The following VWA5B1 variants were observed in gnomAD, a reference collection of about 807,000 sequenced individuals.
VWA5B1 encodes the protein von Willebrand factor A domain containing 5B1.
A neutral mutation model predicts 118.2 loss-of-function variants in VWA5B1; 115 were observed. The observed-to-expected ratio is 0.97, with a 90% CI of 0.84 to 1.14. VWA5B1 has a LOEUF of 1.14. VWA5B1 is among the 50% of genes most tolerant of loss of function. The pLI, the probability that VWA5B1 is intolerant of heterozygous loss-of-function variation, is 0.00. For missense variants in VWA5B1, 1,596 were observed against 1,603.8 expected, an observed-to-expected ratio of 1.00 and a Z score of 0.08; for synonymous variants, 682 against 658.4, an observed-to-expected ratio of 1.04 and a Z score of -0.55.
chr1:20,328,964 C>A (rs2089465876), intron 9 of VWA5B1, among the ~76,000 whole-genome samples: 1 of 152,236 alleles, frequency 6.6e-6, no homozygotes, highest in Admixed American at 6.5e-5. Flanking sequence ...GCCTTCCATA[C>A]TGTTCTGTAA....
chr1:20,335,270 G>A (rs939941988), intron 12 of VWA5B1, among the ~76,000 whole-genome samples: 1 of 152,216 alleles, frequency 6.6e-6, no homozygotes, highest in Non-Finnish European at 1.5e-5. Context: ...AACTGATGAT[G>A]CCACTGCACT....
At chr1:20,301,104 T>A (rs568809658) in intron 1 of VWA5B1, among the ~76,000 whole-genome samples, 2 of 152,324 alleles carry the variant, frequency 1.3e-5, no homozygotes, top group African/African-American at 4.8e-5. Flanking sequence ...GGGAAGGCAA[T>A]GAATGTATTC....
rs1369112755 is a variant in VWA5B1 at position 20,323,437 on chromosome 1, T to A, written c.1048T>A (p.Ser350Thr). The change falls in exon 8 of 22, where the codon TCA (serine) becomes ACA (threonine). Residue 350 changes from serine to threonine, a missense_variant. Transcript: ENST00000289815. ...GCTCAACTTCTGTCCCGACCTCCAG[T>A]CAGTCCAGCCGTGCCTGAGAAAGGC... ...IMLNFCPDLQ[S>T]VQPCLRKAHG... 4 of 1,538,532 alleles carry A rather than the reference T, an allele frequency of 2.6e-6. No homozygotes were observed. In the Admixed American group the frequency reaches 8.2e-5, roughly 31 times the overall value.
chr1:20,297,104 T>C (rs1386495548), intron 1 of VWA5B1, among the ~76,000 whole-genome samples: 1 of 152,232 alleles, frequency 6.6e-6, no homozygotes, highest in East Asian at 1.9e-4. Context: ...TCCTAGAGCT[T>C]ATATTCTAGT....
chr1:20,326,127 C>T (rs973996913), intron 8 of VWA5B1, among the ~76,000 whole-genome samples: 1 of 152,188 alleles, frequency 6.6e-6, no homozygotes, highest in Non-Finnish European at 1.5e-5. Context: ...AATAAGCAGA[C>T]ATTGACTTCT....
At chr1:20,310,845 C>T in intron 2 of VWA5B1, 105 bp downstream of exon 2, 1 of 1,378,450 alleles carries the variant, frequency 7.3e-7, no homozygotes, top group South Asian at 1.6e-5. Flanking sequence ...CATGCCACCC[C>T]TCCGAGTCTG....
At chr1:20,305,172 G>A (rs1307470963) in intron 1 of VWA5B1, among the ~76,000 whole-genome samples, 1 of 152,076 alleles carries the variant, frequency 6.6e-6, no homozygotes, top group Admixed American at 6.5e-5. Flanking sequence ...AACAAAGAAA[G>A]GAAGCTGGAA....
intron 2 of VWA5B1, 38 bp downstream of exon 2, chr1:20,310,778 C>T (rs759959212): frequency 2.0e-6 from 3 of 1,496,316 alleles, no homozygotes; most frequent in Non-Finnish European, 2.7e-6. Flanking sequence ...GGACCACCCC[C>T]TCCTCCACAG....
intron 1 of VWA5B1, among the ~76,000 whole-genome samples, chr1:20,309,960 G>A (rs1181185433): frequency 2.9e-5 from 4 of 136,224 alleles, no homozygotes; most frequent in Non-Finnish European, 4.9e-5. Context: ...TGTGTGTTGC[G>A]GGCGTGGGGG....
chr1:20,304,362 A>ACCTG (rs1454723776), intron 1 of VWA5B1, among the ~76,000 whole-genome samples: 1 of 152,100 alleles, frequency 6.6e-6, no homozygotes, highest in Non-Finnish European at 1.5e-5. Flanking sequence ...GAGGCAAAGA[A>ACCTG]CCTGACGTGT....
At chr1:20,346,433 AC>A (rs2090009373) in intron 17 of VWA5B1, among the ~76,000 whole-genome samples, 1 of 152,120 alleles carries the variant, frequency 6.6e-6, no homozygotes, top group Non-Finnish European at 1.5e-5. Flanking sequence ...ATCTATTTAG[AC>A]CTTTATTTTA....
rs1171839968 is a variant in VWA5B1, at chr1:20,342,541, G to A, written c.2243G>A (p.Gly748Asp). The change falls in exon 15 of 22, where the codon GGC becomes GAC. Residue 748 changes from glycine (G) to aspartate (D), a missense_variant. Physicochemically the swap from Gly to Asp is moderately conservative, Grantham distance 94. Transcript: ENST00000289815. ...GGCTGCCAGCCCTTCCTGCCCTGGG[G>A]CCAGGAGACCCAGGCCTGGAGCCCT... ...PQGCQPFLPW[G>D]QETQAWSPVR... 4 of 1,545,684 alleles carry A rather than the reference G, an allele frequency of 2.6e-6. No homozygotes were observed. In the East Asian group the frequency reaches 7.3e-5, roughly 28 times the overall value.
intron 14 of VWA5B1, among the ~76,000 whole-genome samples, chr1:20,339,566 A>G (rs1437598506): frequency 1.4e-5 from 2 of 144,094 alleles, no homozygotes; most frequent in Non-Finnish European, 2.9e-5. Flanking sequence ...AAACAAACAA[A>G]CAAAAGAATG....
At chr1:20,306,372 T>A (rs2088655858) in intron 1 of VWA5B1, among the ~76,000 whole-genome samples, 1 of 152,022 alleles carries the variant, frequency 6.6e-6, no homozygotes, top group African/African-American at 2.4e-5. Context: ...ATCAGGGAGT[T>A]TGAGCCATGG....
At chr1:20,314,671 G>A in intron 4 of VWA5B1, 79 bp downstream of exon 4, 1 of 1,496,700 alleles carries the variant, frequency 6.7e-7, no homozygotes, top group Non-Finnish European at 8.9e-7. Context: ...GTAGGGGACA[G>A]GGTGGGGGGA....
chr1:20,340,197 G>A (rs867051162), intron 14 of VWA5B1, among the ~76,000 whole-genome samples: 1 of 143,802 alleles, frequency 7.0e-6, no homozygotes, highest in Non-Finnish European at 1.6e-5. Flanking sequence ...TTATATGTGC[G>A]CGCACACACA....
rs575751445 is a variant in VWA5B1, at chr1:20,356,981, G to A, written c.*2718G>A. Among the ~76,000 whole-genome samples, 4 of 152,364 alleles carry A rather than the reference G, an allele frequency of 2.6e-5. No homozygotes were observed. The highest frequency in any genetic ancestry group is 2.6e-4 in the Admixed American group (4 of 15,308). On this transcript the variant is annotated 3_prime_UTR_variant, in exon 22 of 22. Coordinates refer to ENST00000289815, the MANE Select transcript of VWA5B1 (RefSeq NM_001039500.3). ...ACATTGAAGCTAACAGAGTTCTAAAGTTTCTCAAGCAGGGAACACATTGCC... is the reference window on the plus strand; with the variant it reads ...ACATTGAAGCTAACAGAGTTCTAAAATTTCTCAAGCAGGGAACACATTGCC...
rs758218897 is a variant in VWA5B1 at position 20,312,833 on chromosome 1, C to A, written c.140-3C>A. 7.1e-6 allele frequency: 11 copies of A among 1,547,976 alleles called. 1 individual carries two copies. In the South Asian group the frequency reaches 1.1e-4, roughly 15 times the overall value. On this transcript the variant is annotated splice_polypyrimidine_tract_variant and splice_region_variant and intron_variant, in intron 2 of 21. Coordinates refer to ENST00000289815, the MANE Select transcript of VWA5B1 (RefSeq NM_001039500.3). ...CCCGTGATGCTGGGCCCTGCTCCGACAGGCCTCTTCGTGTACCCCCTGGAT... is the reference window on the plus strand; with the variant it reads ...CCCGTGATGCTGGGCCCTGCTCCGAAAGGCCTCTTCGTGTACCCCCTGGAT...
chr1:20,337,516 G>A lies in VWA5B1; in HGVS notation c.1943-130G>A. 9.7e-6 allele frequency: 10 copies of A among 1,035,306 alleles called. No homozygotes were observed. The South Asian group carries it at 1.6e-4, about 16-fold the overall frequency. The allele number at this position is 1,035,306 out of a possible 1,614,324, so 64.1% of individuals were successfully genotyped here. A position where few individuals can be genotyped will look rare whatever the true frequency, so the allele number is the denominator to read the frequency against. ...CGGAGAGGCTTTGGATGCCAGGGGA[G>A]GCATCTGCATATATTTCAGTAGGCA... is the stretch of plus-strand genomic sequence containing the variant. On this transcript the variant is annotated intron_variant, in intron 13 of 21. Transcript: ENST00000289815.
Sources: gnomAD v4.1 joint callset for allele counts (sites outside exome capture counted in the v4.1 genomes callset) on GRCh38, gnomAD v4.1.1 for gene constraint, MANE v1.5 for transcripts, NCBI Gene and HGNC (gene_info 2026-07-23, HGNC 2026-07-21) for gene names.